The following CHST1 variants were observed in gnomAD, a reference collection of about 807,000 sequenced individuals.
CHST1 encodes Keratan sulfotransferase.
A neutral mutation model predicts 22.5 loss-of-function variants in CHST1; 10 were observed. That is an observed-to-expected ratio of 0.44 (90% CI 0.27 to 0.75). The LOEUF is 0.75. CHST1 is among the 30% of genes least tolerant of loss of function. CHST1 has a pLI of 0.15. For synonymous variants in CHST1, 267 were observed against 264.5 expected, an observed-to-expected ratio of 1.01 and a Z score of -0.09; for missense variants, 439 against 576.1, an observed-to-expected ratio of 0.76 and a Z score of 2.44.
intron 3 of CHST1, chr11:45,651,441 C>T (rs1416293643): frequency 1.3e-5 from 2 of 152,930 alleles, no homozygotes; most frequent in Non-Finnish European, 2.9e-5. Context: ...ATGCCTCCAT[C>T]TGACCCCAAT....
intron 1 of CHST1, among the ~76,000 whole-genome samples, chr11:45,656,434 C>T (rs1852063349): frequency 6.6e-6 from 1 of 152,166 alleles, no homozygotes; most frequent in Non-Finnish European, 1.5e-5. Flanking sequence ...TAGTACACCA[C>T]CTTTTCAGAT....
rs1851956063 is a variant in CHST1, at chr11:45,649,176, G to C, written c.*512C>G. 6.5e-6 allele frequency: 1 copy of C among 153,586 alleles called. No homozygotes were observed. The highest frequency in any genetic ancestry group is 2.4e-5 in the African/African-American group (1 of 41,412). The allele number at this position is 153,586 out of a possible 1,614,324, so 9.5% of individuals were successfully genotyped here. Reference sequence around the variant, plus strand: ...AGGGCGGGCAGGAGGGGGCAGTTTCGCTGCTCTAAGGGGGGAAATGGGCGT... The same window carrying C: ...AGGGCGGGCAGGAGGGGGCAGTTTCCCTGCTCTAAGGGGGGAAATGGGCGT... On this transcript the variant is annotated 3_prime_UTR_variant, in exon 4 of 4. Coordinates refer to ENST00000308064, the MANE Select transcript of CHST1 (RefSeq NM_003654.6).
chr11:45,659,432 C>T (rs1378571899), intron 1 of CHST1, among the ~76,000 whole-genome samples: 4 of 152,116 alleles, frequency 2.6e-5, no homozygotes, highest in African/African-American at 7.2e-5. Flanking sequence ...CATTCACCCC[C>T]GACCCAGATA....
intron 1 of CHST1, among the ~76,000 whole-genome samples, chr11:45,663,212 C>G (rs1852155980): frequency 6.6e-6 from 1 of 152,104 alleles, no homozygotes; most frequent in South Asian, 2.1e-4. Context: ...ATGAACCTGG[C>G]CCCCAGGGAG....
chr11:45,650,409 G>A lies in CHST1; in HGVS notation c.515C>T (p.Ala172Val). ...SRPVCDPPGP[A>V]DLVLEEGDCV... ...GTCCCCCTCCTCCAGGACCAGGTCGGCTGGCCCCGGAGGGTCGCACACAGG... is the reference window on the plus strand; with the variant it reads ...GTCCCCCTCCTCCAGGACCAGGTCGACTGGCCCCGGAGGGTCGCACACAGG... The change falls in exon 4 of 4, where the codon GCC becomes GTC. Residue 172 changes from alanine (A) to valine (V), a missense_variant. Transcript: ENST00000308064. 2 of 1,606,428 alleles carry A rather than the reference G, an allele frequency of 1.2e-6. No homozygotes were observed. Among genetic ancestry groups the A allele is most frequent in the Non-Finnish European group, 1.7e-6 (2 of 1,179,706 alleles).
chr11:45,660,850 A>G (rs1852123105), intron 1 of CHST1, among the ~76,000 whole-genome samples: 1 of 152,192 alleles, frequency 6.6e-6, no homozygotes, highest in Non-Finnish European at 1.5e-5. Flanking sequence ...AACTTGGGAG[A>G]AAAGAAGCCA....
rs371209302 is a variant in CHST1 at position 45,651,006 on chromosome 11, G to A, written c.-42-41C>T. 169 of 1,421,994 alleles carry A rather than the reference G, an allele frequency of 1.2e-4. 1 individual carries two copies. Among genetic ancestry groups the A allele is most frequent in the East Asian group, 9.3e-4 (39 of 42,034 alleles). The allele number at this position is 1,421,994 out of a possible 1,614,324, so 88.1% of individuals were successfully genotyped here. A position where few individuals can be genotyped will look rare whatever the true frequency, so the allele number is the denominator to read the frequency against. On this transcript the variant is annotated intron_variant, in intron 3 of 3. Coordinates refer to ENST00000308064, the MANE Select transcript of CHST1 (RefSeq NM_003654.6). ...GCCAGCGGTCAGGTGCCTCCACGGC[G>A]GGGGCACTGGCTTGTCCCTTGGAAG...
At chr11:45,658,956 G>A (rs574831251) in intron 1 of CHST1, among the ~76,000 whole-genome samples, 43 of 152,326 alleles carry the variant, frequency 2.8e-4, no homozygotes, top group African/African-American at 9.9e-4. Context: ...AGAGGGGCCC[G>A]CCTGTCTCTG....
chr11:45,663,431 G>C (rs907415785), intron 1 of CHST1, among the ~76,000 whole-genome samples: 2 of 152,236 alleles, frequency 1.3e-5, no homozygotes, highest in African/African-American at 4.8e-5. Context: ...GATGGCTCAG[G>C]GGCCAGGACA....
intron 1 of CHST1, among the ~76,000 whole-genome samples, chr11:45,659,414 G>C (rs554655009): frequency 6.6e-6 from 1 of 152,218 alleles, no homozygotes; most frequent in East Asian, 1.9e-4. Flanking sequence ...TGCCGATCTC[G>C]ATCACAGCAT....
Position 45,649,747 on chromosome 11 carries a change from C to T in CHST1, c.1177G>A (p.Glu393Lys), listed in dbSNP as rs772013782. Residue 393 changes from glutamate (E) to lysine (K), a missense_variant, in exon 4 of 4, where the codon GAG (glutamate) becomes AAG (lysine). Physicochemically the swap from Glu to Lys is moderately conservative, Grantham distance 56. Coordinates refer to ENST00000308064, the MANE Select transcript of CHST1 (RefSeq NM_003654.6). ...LGYKIAASEE[E>K]LKNPSVSLVE... ...AGGCTGACCGAGGGGTTCTTCAGCT[C>T]CTCCTCCGAGGCGGCGATCTTGTAG... The T allele has an allele frequency of 1.1e-5, 18 of 1,608,796 alleles. No homozygotes were observed. Among genetic ancestry groups the T allele is most frequent in the Non-Finnish European group, 1.5e-5 (18 of 1,178,712 alleles).
chr11:45,658,359 C>T (rs1439415338), intron 1 of CHST1, among the ~76,000 whole-genome samples: 2 of 152,230 alleles, frequency 1.3e-5, no homozygotes, highest in African/African-American at 2.4e-5. Context: ...TATTAAGAGC[C>T]ATGACCATGA....
rs755751075 is a variant in CHST1, at chr11:45,650,284, T to C, written c.640A>G (p.Asn214Asp). The change falls in exon 4 of 4, where the codon AAC becomes GAC. Residue 214 changes from asparagine to aspartate, a missense_variant. Transcript: ENST00000308064. Reference sequence around the variant, plus strand: ...TCTTCCACCAGGGCGCGCAGGTCGTTCACCTCGGGCACGCGCACCGTCTTG... The same window carrying C: ...TCTTCCACCAGGGCGCGCAGGTCGTCCACCTCGGGCACGCGCACCGTCTTG... ...AIKTVRVPEV[N>D]DLRALVEDPR... 44 of 1,605,736 alleles carry C rather than the reference T, an allele frequency of 2.7e-5. No homozygotes were observed. The highest frequency in any genetic ancestry group is 3.6e-5 in the Non-Finnish European group (42 of 1,179,392).
chr11:45,655,782 C>T (rs1462493547), intron 1 of CHST1, among the ~76,000 whole-genome samples: 1 of 152,208 alleles, frequency 6.6e-6, no homozygotes, highest in Non-Finnish European at 1.5e-5. Context: ...GGACTCACCC[C>T]CTGGCCTCTC....
At position 45,665,580 on chromosome 11, in the gene CHST1, C is replaced by T. The variant is rs1299751113; in HGVS notation, c.-629G>A. ...CTCTCGGAGCGCCCGCCCGCGTCCCCGAGCCAAGAGCAGCGGCGGCAGCGG... is the reference window on the plus strand; with the variant it reads ...CTCTCGGAGCGCCCGCCCGCGTCCCTGAGCCAAGAGCAGCGGCGGCAGCGG... On this transcript the variant is annotated 5_prime_UTR_variant, in exon 1 of 4. Transcript: ENST00000308064. The surrounding 1 kb of genome is among the most constrained non-coding windows in gnomAD (Gnocchi z 4.0). 10 of 151,784 alleles carry T rather than the reference C, an allele frequency of 6.6e-5. No homozygotes were observed. The highest frequency in any genetic ancestry group is 2.4e-4 in the African/African-American group (10 of 41,364). 9.4% of individuals were successfully genotyped at this position (151,784 alleles called of 1,614,324 possible).
chr11:45,656,779 T>A (rs1590691629), intron 1 of CHST1, among the ~76,000 whole-genome samples: 1 of 119,288 alleles, frequency 8.4e-6, no homozygotes, highest in African/African-American at 3.2e-5. Flanking sequence ...GGCACCAGGG[T>A]CAAAGGCACT....
chr11:45,656,873 C>T (rs1007373600), intron 1 of CHST1, among the ~76,000 whole-genome samples: 1 of 152,020 alleles, frequency 6.6e-6, no homozygotes, highest in Non-Finnish European at 1.5e-5. Context: ...GATACAGGGA[C>T]GGAGCTGAAA....
At chr11:45,663,895 T>C (rs572875230) in intron 1 of CHST1, among the ~76,000 whole-genome samples, 1 of 152,296 alleles carries the variant, frequency 6.6e-6, no homozygotes, top group East Asian at 1.9e-4. Context: ...CTGGTGAATG[T>C]GATGTGTGAG....
At position 45,650,429 on chromosome 11, in the gene CHST1, C is replaced by T; in HGVS notation, c.495G>A (p.Val165=). Residue 165 remains valine, a synonymous_variant, in exon 4 of 4, where the codon GTG becomes GTA. Coordinates refer to ENST00000308064, the MANE Select transcript of CHST1 (RefSeq NM_003654.6). The part of the protein sequence containing the change: ...GASRVLCSRP[V]CDPPGPADLV... ...GGTCGGCTGGCCCCGGAGGGTCGCA[C>T]ACAGGCCGGGAGCAGAGGACCCGGC... 6.2e-7 allele frequency: 1 copy of T among 1,609,460 alleles called. No homozygotes were observed. Among genetic ancestry groups the T allele is most frequent in the Non-Finnish European group, 8.5e-7 (1 of 1,179,792 alleles).
Sources: gnomAD v4.1 joint callset for allele counts (sites outside exome capture counted in the v4.1 genomes callset) on GRCh38, gnomAD v4.1.1 for gene constraint, Gnocchi (gnomAD v3.1) non-coding constraint, MANE v1.5 for transcripts, NCBI Gene and HGNC (gene_info 2026-07-23, HGNC 2026-07-21) for gene names.